The following RCC1L variants were observed in gnomAD, a reference collection of about 807,000 sequenced individuals.
RCC1L encodes the protein RCC1 like.
RCC1L carries 46 observed loss-of-function variants against 58.6 expected under a neutral mutation model. That is an observed-to-expected ratio of 0.79 (90% CI 0.62 to 1.00). The LOEUF (loss-of-function observed/expected upper bound fraction) is 1.00, where lower values mean the gene tolerates loss of function less well. RCC1L is among the 50% of genes least tolerant of loss of function. RCC1L has a pLI of 0.00. For synonymous variants in RCC1L, 281 were observed against 262.9 expected (o/e 1.07, Z -0.67); for missense variants, 636 against 623.6 (o/e 1.02, Z -0.21).
At chr7:75,037,839 G>T (rs1437147617), downstream of RCC1L, among the ~76,000 whole-genome samples, 2 of 152,170 alleles carry the variant, frequency 1.3e-5, no homozygotes, top group Non-Finnish European at 1.5e-5. Context: ...TGACCACAGA[G>T]GATGCACCTC....
chr7:75,058,251 T>C, intron 7 of RCC1L: 1 of 333,260 alleles, frequency 3.0e-6, no homozygotes, highest in South Asian at 2.5e-5. Context: ...TGCTCTTTTT[T>C]TTCGAGACAG....
At chr7:75,041,484 G>T (rs1554442265), downstream of RCC1L, among the ~76,000 whole-genome samples, 1 of 152,132 alleles carries the variant, frequency 6.6e-6, no homozygotes, top group Non-Finnish European at 1.5e-5. Context: ...GGCAGACAGG[G>T]CATGGGAGTC....
At chr7:75,072,919 G>A (rs1464656754) in intron 1 of RCC1L, among the ~76,000 whole-genome samples, 3 of 152,140 alleles carry the variant, frequency 2.0e-5, no homozygotes, top group Admixed American at 6.6e-5. Context: ...CAGCCTGAGC[G>A]ACAGAGCGAG....
At chr7:75,038,950 C>T (rs1805487246), downstream of RCC1L, among the ~76,000 whole-genome samples, 4 of 152,212 alleles carry the variant, frequency 2.6e-5, no homozygotes, top group Non-Finnish European at 1.5e-5. Context: ...AAGCGATTCT[C>T]CTGCTTAAGC....
chr7:75,039,746 T>C (rs1012848570), downstream of RCC1L, among the ~76,000 whole-genome samples: 3 of 152,122 alleles, frequency 2.0e-5, no homozygotes, highest in Non-Finnish European at 2.9e-5. Flanking sequence ...GTATGGAGAA[T>C]GGCCTGGGGA....
intron 10 of RCC1L, among the ~76,000 whole-genome samples, chr7:75,035,615 A>G (rs1186094220): frequency 6.6e-6 from 1 of 152,176 alleles, no homozygotes; most frequent in Non-Finnish European, 1.5e-5. Context: ...TTATACATGA[A>G]TGTTTTGACA....
At chr7:75,060,118 T>A (rs1554444378) in intron 6 of RCC1L, among the ~76,000 whole-genome samples, 2 of 152,216 alleles carry the variant, frequency 1.3e-5, no homozygotes, top group African/African-American at 4.8e-5. Flanking sequence ...ATAGCTAGAA[T>A]CCTATAGTAT....
At chr7:75,053,725 A>T (rs2131989543) in intron 9 of RCC1L, among the ~76,000 whole-genome samples, 1 of 152,196 alleles carries the variant, frequency 6.6e-6, no homozygotes, top group East Asian at 1.9e-4. Flanking sequence ...GGCCCATGTC[A>T]CCATCAGCTG....
exon 11 of RCC1L, chr7:75,027,827 AC>A (rs1805181168): frequency 3.1e-6 from 2 of 646,686 alleles, no homozygotes; most frequent in East Asian, 5.5e-5. Context: ...TTTGGTCTCC[AC>A]AGCTCTTCGG....
Position 75,042,928 on chromosome 7 carries a change from C to G in RCC1L, c.*104G>C. Reference sequence around the variant, plus strand: ...GCGTCACACTGCACGCAGGGTCCTCCGCCACCACCATCCAAGAACCCCGGG... The same window carrying G: ...GCGTCACACTGCACGCAGGGTCCTCGGCCACCACCATCCAAGAACCCCGGG... On this transcript the variant is annotated 3_prime_UTR_variant, in exon 11 of 11. Transcript: ENST00000610322. The G allele has an allele frequency of 1.3e-6, 2 of 1,583,168 alleles. No individual in the cohort carries two copies. Among genetic ancestry groups the G allele is most frequent in the South Asian group, 2.3e-5 (2 of 87,742 alleles).
At position 75,073,404 on chromosome 7, in the gene RCC1L, C is replaced by T; in HGVS notation, c.324+10G>A. On this transcript the variant is annotated intron_variant, in intron 1 of 10. Transcript: ENST00000610322. ...AGAGAAGGAGAGAAGGAGGAAGCCG[C>T]GGCCTGCACCTTTTGGTCCAGCTCC... The T allele has an allele frequency of 3.5e-6, 4 of 1,157,652 alleles. No homozygotes were observed. The highest frequency in any genetic ancestry group is 4.5e-6 in the Non-Finnish European group (4 of 886,064). The allele number at this position is 1,157,652 out of a possible 1,614,324, so 71.7% of individuals were successfully genotyped here.
At position 75,070,678 on chromosome 7, in the gene RCC1L, T is replaced by C. The variant is rs782206112; in HGVS notation, c.416A>G (p.Asp139Gly). The change falls in exon 2 of 11, where the codon GAT becomes GGT. Residue 139 changes from aspartate to glycine, a missense_variant. Physicochemically the swap from Asp to Gly is moderately conservative, Grantham distance 94. Coordinates refer to ENST00000610322, the MANE Select transcript of RCC1L (RefSeq NM_030798.5). ...TKVWGMGLNK[D>G]SQLGFHRSRK... ...GCTCCTGTGAAATCCAAGCTGAGAA[T>C]CTTTGTTGAGTCCCATCCCCCAGAC... 1 of 1,614,060 alleles carries C rather than the reference T, an allele frequency of 6.2e-7. No individual in the cohort carries two copies. The highest frequency in any genetic ancestry group is 2.2e-5 in the East Asian group (1 of 44,888).
intron 10 of RCC1L, among the ~76,000 whole-genome samples, chr7:75,029,886 G>A (rs1805253087): frequency 1.3e-5 from 2 of 152,296 alleles, no homozygotes; most frequent in South Asian, 2.1e-4. Context: ...GGCCGGGCTC[G>A]GTGGCTTAGG....
At chr7:75,027,515 T>G (rs1479252014) in exon 11 of RCC1L, 1 of 159,688 alleles carries the variant, frequency 6.3e-6, no homozygotes, top group Non-Finnish European at 1.4e-5. Context: ...TTCTCTGTTT[T>G]TTTTGTTTTT....
chr7:75,044,327 G>A (rs1370745629), intron 10 of RCC1L, among the ~76,000 whole-genome samples: 4 of 152,168 alleles, frequency 2.6e-5, no homozygotes, highest in Admixed American at 1.3e-4. Context: ...TATGCCGGGC[G>A]CAGTGGCTCA....
intron 10 of RCC1L, among the ~76,000 whole-genome samples, chr7:75,046,598 C>G (rs1805728877): frequency 6.6e-6 from 1 of 152,214 alleles, no homozygotes; most frequent in Non-Finnish European, 1.5e-5. Context: ...CTCACACGGT[C>G]TCTGAACTGA....
downstream of RCC1L, among the ~76,000 whole-genome samples, chr7:75,041,274 C>T (rs587653548): frequency 2.0e-5 from 3 of 152,192 alleles, no homozygotes; most frequent in South Asian, 6.2e-4. Flanking sequence ...GAGATCCCAT[C>T]CTCTCCTCCT....
intron 10 of RCC1L, among the ~76,000 whole-genome samples, chr7:75,050,276 C>T (rs1202755343): frequency 6.6e-6 from 1 of 152,096 alleles, no homozygotes; most frequent in African/African-American, 2.4e-5. Context: ...AGCAAGACTC[C>T]ATCTCAAAAC....
chr7:75,038,887 G>C (rs1452355977), downstream of RCC1L, among the ~76,000 whole-genome samples: 1 of 152,202 alleles, frequency 6.6e-6, no homozygotes, highest in Non-Finnish European at 1.5e-5. Flanking sequence ...ACCCAGTCTC[G>C]GGAGAGGAAT....
Sources: gnomAD v4.1 joint callset for allele counts (sites outside exome capture counted in the v4.1 genomes callset) on GRCh38, gnomAD v4.1.1 for gene constraint, MANE v1.5 for transcripts, NCBI Gene and HGNC (gene_info 2026-07-23, HGNC 2026-07-21) for gene names.